Variants in TNFRSF19 observed in about 807,000 individuals in gnomAD.
TNFRSF19 encodes the protein tumor necrosis factor receptor superfamily member 19.
In TNFRSF19, 27 loss-of-function variants were observed where a neutral mutation model predicts 46.4. That is an observed-to-expected ratio of 0.58 (90% confidence interval 0.43 to 0.80). The LOEUF (loss-of-function observed/expected upper bound fraction) is 0.80, where lower values mean the gene tolerates loss of function less well. Among genes scored for constraint, TNFRSF19 ranks in the 30% least tolerant of loss-of-function variants. TNFRSF19 has a pLI of 0.00. For missense variants in TNFRSF19, 511 were observed against 530.8 expected, an observed-to-expected ratio of 0.96 and a Z score of 0.37; for synonymous variants, 204 against 205.0, an observed-to-expected ratio of 1.00 and a Z score of 0.04.
At chr13:23,613,989 C>T (rs910547091) in intron 3 of TNFRSF19, among the ~76,000 whole-genome samples, 32 of 152,112 alleles carry the variant, frequency 2.1e-4, no homozygotes, top group Admixed American at 6.5e-4. Flanking sequence ...AACTTGAGAC[C>T]ACCCCGTAAT....
chr13:23,659,171 T>G lies in TNFRSF19; in HGVS notation c.567T>G (p.Cys189Trp). 6 of 1,614,114 alleles carry G rather than the reference T, an allele frequency of 3.7e-6. No homozygotes were observed. Among genetic ancestry groups the G allele is most frequent in the Non-Finnish European group, 5.1e-6 (6 of 1,179,986 alleles). The change falls in exon 6 of 10, where the codon TGT becomes TGG. Residue 189 changes from cysteine (C) to tryptophan (W), a missense_variant. By Grantham distance (215) the Cys-to-Trp change is radical (BLOSUM62 -2). This residue lies in a region of TNFRSF19 where 376 missense variants were observed against 372.7 expected (regional missense o/e 1.01). Coordinates refer to ENST00000248484, the MANE Select transcript of TNFRSF19 (RefSeq NM_148957.4). The surrounding 1 kb of genome is among the most constrained non-coding windows in gnomAD (Gnocchi z 4.9). ...TCCTGCTGGCCCTGCTCATCCTCTG[T>G]GTCATCTATTGTAAGAGACAGTTTA... ...ATVLLALLIL[C>W]VIYCKRQFME...
chr13:23,669,692 C>T (rs1951724175), intron 9 of TNFRSF19: 3 of 985,182 alleles, frequency 3.0e-6, no homozygotes, highest in African/African-American at 3.5e-5. Flanking sequence ...TTGGGTGGAG[C>T]GAGGGTGGCA....
intron 3 of TNFRSF19, among the ~76,000 whole-genome samples, chr13:23,612,960 G>A (rs558270401): frequency 2.0e-5 from 3 of 152,172 alleles, no homozygotes; most frequent in Non-Finnish European, 2.9e-5. Context: ...TGGCAGGAAC[G>A]CAGGGCTCTT....
intron 4 of TNFRSF19, 104 bp downstream of exon 4, chr13:23,616,149 C>A: frequency 8.4e-7 from 1 of 1,183,988 alleles, no homozygotes; most frequent in South Asian, 1.7e-5. Context: ...TGGTATTAAC[C>A]TGAAGATGCT....
intron 3 of TNFRSF19, among the ~76,000 whole-genome samples, chr13:23,603,046 G>A (rs1220333120): frequency 6.6e-6 from 1 of 151,884 alleles, no homozygotes; most frequent in Non-Finnish European, 1.5e-5. Context: ...AGAGAGTGAA[G>A]AATCACCAAA....
chr13:23,599,769 G>GA (rs1880001171), intron 3 of TNFRSF19, among the ~76,000 whole-genome samples: 1 of 152,128 alleles, frequency 6.6e-6, no homozygotes, highest in Admixed American at 6.5e-5. Context: ...TTATCAGACT[G>GA]AAAGAGTCTG....
chr13:23,624,665 G>C (rs959670720), intron 4 of TNFRSF19, among the ~76,000 whole-genome samples: 3 of 151,780 alleles, frequency 2.0e-5, no homozygotes, highest in Admixed American at 1.3e-4. Context: ...AAAATCACTT[G>C]AATTCCCACA....
chr13:23,585,154 C>T (rs1053381825), intron 1 of TNFRSF19, among the ~76,000 whole-genome samples: 5 of 152,106 alleles, frequency 3.3e-5, no homozygotes, highest in African/African-American at 4.8e-5. Context: ...CATCTTATTA[C>T]ATATTAGAAA....
chr13:23,595,574 G>A (rs1419450737), intron 3 of TNFRSF19, among the ~76,000 whole-genome samples: 1 of 152,104 alleles, frequency 6.6e-6, no homozygotes, highest in Non-Finnish European at 1.5e-5. Flanking sequence ...AGAATGAAAA[G>A]GAACAAACAA....
Position 23,669,024 on chromosome 13 carries a change from C to G in TNFRSF19, c.1172C>G (p.Ala391Gly), listed in dbSNP as rs373236855. 24 of 1,614,082 alleles carry G rather than the reference C, an allele frequency of 1.5e-5. No individual in the cohort carries two copies. The highest frequency in any genetic ancestry group is 1.6e-4 in the Middle Eastern group (1 of 6,084). The change falls in exon 9 of 10, where the codon GCA (alanine) becomes GGA (glycine). Residue 391 changes from alanine to glycine, a missense_variant. By Grantham distance (60) the Ala-to-Gly change is moderately conservative. Transcript: ENST00000248484. ...TLVESASTQD[A>G]LTMRSQLDQE... ...GTAGAATCAGCATCAACTCAGGATGCACTAACTATGAGAAGCCAGCTAGAT... is the reference window on the plus strand; with the variant it reads ...GTAGAATCAGCATCAACTCAGGATGGACTAACTATGAGAAGCCAGCTAGAT...
chr13:23,663,192 T>G (rs1884482883), intron 7 of TNFRSF19, among the ~76,000 whole-genome samples: 1 of 152,222 alleles, frequency 6.6e-6, no homozygotes, highest in Admixed American at 6.5e-5. Flanking sequence ...GTATGTTCCT[T>G]CAATACCTAG....
At chr13:23,578,647 T>C (rs1359660835) in intron 1 of TNFRSF19, among the ~76,000 whole-genome samples, 3 of 152,218 alleles carry the variant, frequency 2.0e-5, no homozygotes, top group Admixed American at 6.5e-5. Context: ...CACCGTATCT[T>C]GGGTGAACGA....
intron 7 of TNFRSF19, 71 bp downstream of exon 7, chr13:23,660,561 C>T: frequency 1.9e-6 from 3 of 1,543,566 alleles, no homozygotes; most frequent in Non-Finnish European, 2.6e-6. Flanking sequence ...AGAATTGGTC[C>T]TGGTTTATTC....
At chr13:23,636,909 G>T (rs1396974660) in intron 5 of TNFRSF19, among the ~76,000 whole-genome samples, 3 of 152,174 alleles carry the variant, frequency 2.0e-5, no homozygotes, top group Admixed American at 6.5e-5. Flanking sequence ...CCTTTCTCAA[G>T]AGTTGGTTAT....
intron 5 of TNFRSF19, among the ~76,000 whole-genome samples, chr13:23,634,361 T>C (rs1353237556): frequency 6.6e-6 from 1 of 152,246 alleles, no homozygotes; most frequent in African/African-American, 2.4e-5. Flanking sequence ...CGAATTTCTC[T>C]GGCTTTTATC....
At chr13:23,668,637 T>C (rs1311777775) in intron 8 of TNFRSF19, 55 bp from the exon 9 acceptor site, 2 of 1,542,052 alleles carry the variant, frequency 1.3e-6, no homozygotes, top group Non-Finnish European at 1.7e-6. Context: ...TGCTTCTTTG[T>C]AGTAGTGTTT....
At chr13:23,627,737 T>C (rs940967251) in intron 5 of TNFRSF19, among the ~76,000 whole-genome samples, 1 of 152,232 alleles carries the variant, frequency 6.6e-6, no homozygotes, top group Non-Finnish European at 1.5e-5. Context: ...ATGGGCTCTG[T>C]CCTCTTGCTT....
Position 23,669,004 on chromosome 13 carries a change from A to C in TNFRSF19, c.1152A>C (p.Glu384Asp), listed in dbSNP as rs760337500. 1 of 1,614,260 alleles carries C rather than the reference A, an allele frequency of 6.2e-7. No homozygotes were observed. The highest frequency in any genetic ancestry group is 1.1e-5 in the South Asian group (1 of 91,084). ...CTAGATATAACAACACACTGGTAGA[A>C]TCAGCATCAACTCAGGATGCACTAA... The part of the protein sequence containing the change: ...DLSRYNNTLV[E>D]SASTQDALTM... The change falls in exon 9 of 10, where the codon GAA becomes GAC. Residue 384 changes from glutamate (E) to aspartate (D), a missense_variant. Coordinates refer to ENST00000248484, the MANE Select transcript of TNFRSF19 (RefSeq NM_148957.4).
At chr13:23,616,108 C>A (rs1379380546) in intron 4 of TNFRSF19, 63 bp downstream of exon 4, 19 of 1,497,572 alleles carry the variant, frequency 1.3e-5, no homozygotes, top group Non-Finnish European at 1.4e-5. Flanking sequence ...AAAGGCAATT[C>A]CCTTGTTCCA....
Sources: gnomAD v4.1 joint callset for allele counts (sites outside exome capture counted in the v4.1 genomes callset) on GRCh38, gnomAD v4.1.1 for gene constraint, gnomAD v4.1.1 regional missense constraint, Gnocchi (gnomAD v3.1) non-coding constraint, MANE v1.5 for transcripts, NCBI Gene and HGNC (gene_info 2026-07-23, HGNC 2026-07-21) for gene names.